Variants in PDPR observed in about 807,000 individuals in gnomAD.
The protein encoded by PDPR is pyruvate dehydrogenase phosphatase regulatory subunit, mitochondrial.
Under a neutral mutation model 102.2 loss-of-function variants are expected in PDPR, and 50 were observed. That is an observed-to-expected ratio of 0.49 (90% CI 0.39 to 0.62). The LOEUF is 0.62. Among genes scored for constraint, PDPR ranks in the 20% least tolerant of loss-of-function variants. The probability of loss-of-function intolerance (pLI) is 0.00; values close to 1 mark genes in which losing one functional copy is unlikely to be tolerated. For synonymous variants in PDPR, 259 were observed against 406.0 expected (o/e 0.64, Z 4.35); for missense variants, 625 against 1,098.2 (o/e 0.57, Z 6.09).
At position 70,161,582 on chromosome 16, in the gene PDPR, C is replaced by CT. The variant is rs1967795419; in HGVS notation, c.*4704dup. On this transcript the variant is annotated 3_prime_UTR_variant, in exon 19 of 19. Transcript: ENST00000288050. ...CATGGGTCTCTCCGTCAGCGCCTCCCTCCCCGCCACCACTTCAGGCCAACA... is the reference window on the plus strand; with the variant it reads ...CATGGGTCTCTCCGTCAGCGCCTCCCTTCCCCGCCACCACTTCAGGCCAACA... The CT allele has an allele frequency of 6.5e-6, 1 of 152,964 alleles. No individual in the cohort carries two copies. 9.5% of individuals were successfully genotyped at this position (152,964 alleles called of 1,614,324 possible). A position where few individuals can be genotyped will look rare whatever the true frequency, so the allele number is the denominator to read the frequency against.
chr16:70,135,201 C>T (rs1964994691), intron 9 of PDPR, among the ~76,000 whole-genome samples: 2 of 151,314 alleles, frequency 1.3e-5, no homozygotes, highest in Non-Finnish European at 2.9e-5. Context: ...GGGTGAAAGT[C>T]TGTCTTTTGC....
At chr16:70,133,015 G>A (rs1317297181) in intron 9 of PDPR, among the ~76,000 whole-genome samples, 3 of 151,594 alleles carry the variant, frequency 2.0e-5, no homozygotes, top group East Asian at 3.9e-4. Flanking sequence ...GTCTCGCTGT[G>A]TTGCCCAGGC....
chr16:70,135,494 C>T (rs1181105442), intron 9 of PDPR, among the ~76,000 whole-genome samples: 2 of 152,274 alleles, frequency 1.3e-5, no homozygotes, highest in Non-Finnish European at 2.9e-5. Flanking sequence ...ACCTTGGCCT[C>T]CCAAAGTGCC....
rs1299384896 is a variant in PDPR at position 70,161,249 on chromosome 16, C to G, written c.*4370C>G. On this transcript the variant is annotated 3_prime_UTR_variant, in exon 19 of 19. Transcript: ENST00000288050. The stretch of plus-strand genomic sequence containing the variant: ...TGAGCTGAGATTGCACCACTGCACT[C>G]CAGCCTGGGTAACAGAGTGAGACTC... 1 of 150,916 alleles carries G rather than the reference C, an allele frequency of 6.6e-6. No homozygotes were observed. Among genetic ancestry groups the G allele is most frequent in the African/African-American group, 2.5e-5 (1 of 40,520 alleles). The allele number at this position is 150,916 out of a possible 1,614,324, so 9.3% of individuals were successfully genotyped here.
intron 8 of PDPR, chr16:70,131,796 ATCCTTTTGACGG>A (rs1964564117): frequency 1.5e-6 from 2 of 1,364,704 alleles, no homozygotes; most frequent in Non-Finnish European, 1.9e-6. Flanking sequence ...GGGTTCTCAC[ATCCTTTTGACGG>A]TCTTCATGCC....
chr16:70,152,595 G>A (rs1175569851), intron 17 of PDPR, among the ~76,000 whole-genome samples: 1 of 152,288 alleles, frequency 6.6e-6, no homozygotes, highest in Non-Finnish European at 1.5e-5. Context: ...CAGTGGTGCA[G>A]TTCATAGAAA....
In PDPR at chr16:70,142,938, G is replaced by C. The variant is rs1597358317; in HGVS notation, c.1605+252G>C. Among the ~76,000 whole-genome samples the C allele has an allele frequency of 2.0e-5, 3 of 152,380 alleles. No homozygotes were observed. The East Asian group carries it at 5.8e-4, about 29-fold the overall frequency. ...AGGCCAGGAGTGGTGGCTCATGCCT[G>C]TAATCCCAGCAGTTTGGGAGGCCGA... is the stretch of plus-strand genomic sequence containing the variant. On this transcript the variant is annotated intron_variant, in intron 13 of 18. Coordinates refer to ENST00000288050, the MANE Select transcript of PDPR (RefSeq NM_017990.5).
In PDPR at chr16:70,162,505, T is replaced by G. The variant is rs953027364; in HGVS notation, c.*5626T>G. ...GTTTCTTCTCATGTTACTGGGTTTG[T>G]AAATGAATAAACACATTTTAACTAC... On this transcript the variant is annotated 3_prime_UTR_variant, in exon 19 of 19. Transcript: ENST00000288050. 4 of 152,502 alleles carry G rather than the reference T, an allele frequency of 2.6e-5. No homozygotes were observed. The highest frequency in any genetic ancestry group is 9.6e-5 in the African/African-American group (4 of 41,480). The allele number at this position is 152,502 out of a possible 1,614,324, so 9.4% of individuals were successfully genotyped here. A position where few individuals can be genotyped will look rare whatever the true frequency, so the allele number is the denominator to read the frequency against.
At chr16:70,121,069 C>T (rs1963213965) in intron 3 of PDPR, among the ~76,000 whole-genome samples, 1 of 149,668 alleles carries the variant, frequency 6.7e-6, no homozygotes, top group African/African-American at 2.4e-5. Context: ...GGACTACAGG[C>T]ATGACCCACT....
intron 11 of PDPR, among the ~76,000 whole-genome samples, chr16:70,141,038 A>G (rs1965659351): frequency 6.6e-6 from 1 of 152,192 alleles, no homozygotes; most frequent in Non-Finnish European, 1.5e-5. Flanking sequence ...GCTGTTGAAG[A>G]TTAGACCTTA....
chr16:70,148,769 TAGGTGATACATTTAAAA>T (rs1966459069), intron 17 of PDPR, among the ~76,000 whole-genome samples: 1 of 152,282 alleles, frequency 6.6e-6, no homozygotes, highest in East Asian at 1.9e-4. Flanking sequence ...TTTTTTTGAA[TAGGTGATACATTTAAAA>T]AGTATTTGGC....
At chr16:70,139,579 A>G (rs1285042784) in intron 11 of PDPR, among the ~76,000 whole-genome samples, 3 of 152,266 alleles carry the variant, frequency 2.0e-5, no homozygotes, top group African/African-American at 4.8e-5. Context: ...CAAAACATAC[A>G]TTCCTGCTCT....
In PDPR at chr16:70,158,656, C is replaced by G. The variant is rs1597392697; in HGVS notation, c.*1777C>G. ...TGTCTTGGAGCAAGTATGTACTTAA[C>G]TAGCCGAGAGATGCTGCCTCTAGGC... On this transcript the variant is annotated 3_prime_UTR_variant, in exon 19 of 19. Coordinates refer to ENST00000288050, the MANE Select transcript of PDPR (RefSeq NM_017990.5). 1 of 152,734 alleles carries G rather than the reference C, an allele frequency of 6.5e-6. No homozygotes were observed. Among genetic ancestry groups the G allele is most frequent in the African/African-American group, 2.4e-5 (1 of 41,482 alleles). 9.5% of individuals were successfully genotyped at this position (152,734 alleles called of 1,614,324 possible).
At chr16:70,128,404 T>C (rs1320337984) in intron 4 of PDPR, among the ~76,000 whole-genome samples, 2 of 152,226 alleles carry the variant, frequency 1.3e-5, no homozygotes, top group Non-Finnish European at 2.9e-5. Context: ...ATTTTTATAT[T>C]TTTAGTAGAG....
intron 6 of PDPR, among the ~76,000 whole-genome samples, chr16:70,130,107 A>G (rs1464515115): frequency 1.3e-5 from 2 of 152,258 alleles, no homozygotes; most frequent in Admixed American, 6.5e-5. Context: ...AGGCTGACCA[A>G]CATGGTAAAA....
rs1346420060 is a variant in PDPR at position 70,157,424 on chromosome 16, G to A, written c.*545G>A. On this transcript the variant is annotated 3_prime_UTR_variant, in exon 19 of 19. Coordinates refer to ENST00000288050, the MANE Select transcript of PDPR (RefSeq NM_017990.5). The stretch of plus-strand genomic sequence containing the variant: ...TGGCACTCGATACCTCTGGCAAGAG[G>A]ATGATTATCTACCTCACTGATAAGA... 18 of 357,502 alleles carry A rather than the reference G, an allele frequency of 5.0e-5. No homozygotes were observed. Among genetic ancestry groups the A allele is most frequent in the Non-Finnish European group, 8.2e-5 (15 of 182,460 alleles). The allele number at this position is 357,502 out of a possible 1,614,324, so 22.1% of individuals were successfully genotyped here.
At chr16:70,118,734 G>T (rs370954095) in intron 2 of PDPR, among the ~76,000 whole-genome samples, 5 of 151,660 alleles carry the variant, frequency 3.3e-5, no homozygotes, top group East Asian at 1.9e-4. Context: ...TGAGATTATG[G>T]AAAGACTAGC....
At chr16:70,139,643 A>G (rs571199401) in intron 11 of PDPR, among the ~76,000 whole-genome samples, 1 of 152,376 alleles carries the variant, frequency 6.6e-6, no homozygotes, top group African/African-American at 2.4e-5. Flanking sequence ...ACTTCATCTT[A>G]ATTTGTTATT....
chr16:70,150,091 C>CT (rs59657802), intron 17 of PDPR, among the ~76,000 whole-genome samples: 96 of 136,324 alleles, frequency 7.0e-4, no homozygotes, highest in South Asian at 1.2e-3. Flanking sequence ...ACCCGGCCGG[C>CT]TTTTTTTTTT....
Sources: gnomAD v4.1 joint callset for allele counts (sites outside exome capture counted in the v4.1 genomes callset) on GRCh38, gnomAD v4.1.1 for gene constraint, MANE v1.5 for transcripts, NCBI Gene and HGNC (gene_info 2026-07-23, HGNC 2026-07-21) for gene names.